NCAM1: variants seen among roughly 807,000 people sequenced by gnomAD.
The protein encoded by NCAM1 is neural cell adhesion molecule 1, also known as antigen recognized by monoclonal antibody 5.1H11.
In NCAM1, 14 loss-of-function variants were observed where a neutral mutation model predicts 109.8. The ratio of observed to expected loss-of-function variants is 0.13; its 90% CI spans 0.08 to 0.20. NCAM1 has a LOEUF of 0.20. NCAM1 is among the 10% of genes least tolerant of loss of function. The pLI is 1.00. For synonymous variants in NCAM1, 418 were observed against 442.9 expected (o/e 0.94, Z 0.70); for missense variants, 774 against 1,109.9 (o/e 0.70, Z 4.30).
rs528779638 is a variant in NCAM1 at position 113,272,372 on chromosome 11, A to G, written c.2456+496A>G. Among the ~76,000 whole-genome samples the G allele has an allele frequency of 2.6e-5, 4 of 152,186 alleles. No individual in the cohort carries two copies. In the South Asian group the frequency reaches 8.3e-4, roughly 32 times the overall value. ...TGCCTGCCTAGCTGTCAAGGATCTT[A>G]TGGGCTTAAAGGGAATGGAGTTTCA... is the stretch of plus-strand genomic sequence containing the variant. On this transcript the variant is annotated intron_variant, in intron 19 of 19. Coordinates refer to ENST00000316851, the MANE Select transcript of NCAM1 (RefSeq NM_181351.5).
chr11:113,250,942 C>T (rs967560925), intron 15 of NCAM1, among the ~76,000 whole-genome samples: 4 of 151,448 alleles, frequency 2.6e-5, no homozygotes, highest in Non-Finnish European at 4.4e-5. Flanking sequence ...GGATTACAGA[C>T]GCATGCCACC....
At chr11:113,015,184 C>T (rs1388859759) in intron 1 of NCAM1, among the ~76,000 whole-genome samples, 24 of 152,190 alleles carry the variant, frequency 1.6e-4, no homozygotes, top group African/African-American at 5.5e-4. Context: ...TAGTTCAGCC[C>T]CCTAAGGAGA....
At chr11:113,271,474 G>C (rs1237088067) in intron 18 of NCAM1, among the ~76,000 whole-genome samples, 3 of 151,784 alleles carry the variant, frequency 2.0e-5, no homozygotes, top group Admixed American at 1.3e-4. Flanking sequence ...ATCTGTGTCA[G>C]GCACTGTGTT....
chr11:113,209,595 C>G (rs782740622), intron 7 of NCAM1, among the ~76,000 whole-genome samples: 10 of 152,188 alleles, frequency 6.6e-5, no homozygotes, highest in Middle Eastern at 3.4e-3. Context: ...ATCCCTTGAC[C>G]CTGGGAAGCA....
chr11:113,237,929 G>T (rs1292643959), intron 14 of NCAM1, among the ~76,000 whole-genome samples: 2 of 18,418 alleles, frequency 1.1e-4, no homozygotes, highest in Admixed American at 6.9e-4. Flanking sequence ...TATAGATATA[G>T]ATATATAGAT....
At chr11:112,990,751 T>G (rs377024438) in intron 1 of NCAM1, among the ~76,000 whole-genome samples, 1 of 151,994 alleles carries the variant, frequency 6.6e-6, no homozygotes, top group African/African-American at 2.4e-5. Flanking sequence ...TGTAGCTGAG[T>G]CCACAGGAGT....
rs147174373 is a variant in NCAM1, at chr11:112,974,350, T to G, written c.52+12686T>G. The stretch of plus-strand genomic sequence containing the variant: ...TGTGTTTCATGTTGTTTCATTTAAC[T>G]CCTCAAATTCTAATGATCCCTGGCT... On this transcript the variant is annotated intron_variant, in intron 1 of 19. Transcript: ENST00000316851. Among the ~76,000 whole-genome samples, 206 of 152,172 alleles carry G rather than the reference T, an allele frequency of 1.4e-3. 2 individuals are homozygous for G. The highest frequency in any genetic ancestry group is 4.8e-3 in the African/African-American group (201 of 41,540).
At chr11:113,180,341 C>G (rs1943294291) in intron 1 of NCAM1, among the ~76,000 whole-genome samples, 1 of 152,210 alleles carries the variant, frequency 6.6e-6, no homozygotes, top group South Asian at 2.1e-4. Flanking sequence ...TATTGAAAGG[C>G]AGGAGAAAGT....
chr11:113,235,234 A>T, intron 14 of NCAM1, 70 bp downstream of exon 14: 2 of 1,611,906 alleles, frequency 1.2e-6, no homozygotes, highest in Non-Finnish European at 1.7e-6. Context: ...GGGAACCCTG[A>T]GCTGGCCCAT....
chr11:113,033,440 G>C lies in NCAM1; in HGVS notation c.52+71776G>C, dbSNP rs558578939. Among the ~76,000 whole-genome samples the C allele has an allele frequency of 5.3e-5, 8 of 152,254 alleles. No individual in the cohort carries two copies. In the South Asian group the frequency reaches 1.7e-3, roughly 32 times the overall value. On this transcript the variant is annotated intron_variant, in intron 1 of 19. Coordinates refer to ENST00000316851, the MANE Select transcript of NCAM1 (RefSeq NM_181351.5). Reference sequence around the variant, plus strand: ...CAAGCGTGGAGACAGAATGAAGACTGATGAAAGATTAAGATGAAAATATAC... The same window carrying C: ...CAAGCGTGGAGACAGAATGAAGACTCATGAAAGATTAAGATGAAAATATAC...
intron 1 of NCAM1, among the ~76,000 whole-genome samples, chr11:113,056,064 C>G (rs1259260968): frequency 1.5e-5 from 2 of 130,488 alleles, no homozygotes; most frequent in African/African-American, 5.7e-5. Context: ...CAATGAAATA[C>G]TATTCATCTA....
chr11:113,260,475 C>T (rs1352261018), intron 17 of NCAM1, 152 bp downstream of exon 17: 6 of 834,718 alleles, frequency 7.2e-6, no homozygotes, highest in South Asian at 1.8e-5. Context: ...TGCCTTGTAC[C>T]TATCTGTGCA....
intron 9 of NCAM1, among the ~76,000 whole-genome samples, chr11:113,225,710 C>T (rs1180089824): frequency 1.3e-5 from 2 of 152,178 alleles, no homozygotes; most frequent in South Asian, 2.1e-4. Flanking sequence ...CAAAGGGAAG[C>T]CCATCAGACT....
intron 9 of NCAM1, among the ~76,000 whole-genome samples, chr11:113,223,844 C>A (rs1555115730): frequency 6.6e-6 from 1 of 152,172 alleles, no homozygotes; most frequent in Non-Finnish European, 1.5e-5. Flanking sequence ...GTCAGCACAG[C>A]CCTTTAGAGA....
intron 1 of NCAM1, among the ~76,000 whole-genome samples, chr11:113,192,207 C>G (rs145415416): frequency 6.6e-6 from 1 of 152,302 alleles, no homozygotes; most frequent in East Asian, 1.9e-4. Context: ...AAAACATCGT[C>G]TGGAGCCTCC....
chr11:113,263,884 A>T, intron 17 of NCAM1: 4 of 985,524 alleles, frequency 4.1e-6, no homozygotes, highest in Non-Finnish European at 4.8e-6. Context: ...CCAGCCCAGG[A>T]GGGTTAATAA....
intron 1 of NCAM1, among the ~76,000 whole-genome samples, chr11:113,021,241 C>T (rs1366092919): frequency 6.6e-6 from 1 of 152,206 alleles, no homozygotes; most frequent in Non-Finnish European, 1.5e-5. Flanking sequence ...ATCATCACTG[C>T]AAAGGATCAT....
At chr11:113,161,356 T>G (rs1323854247) in intron 1 of NCAM1, among the ~76,000 whole-genome samples, 1 of 152,248 alleles carries the variant, frequency 6.6e-6, no homozygotes, top group African/African-American at 2.4e-5. Flanking sequence ...TGTCATACCT[T>G]GGACTTGGAA....
chr11:113,147,544 G>A (rs1490340599), intron 1 of NCAM1, among the ~76,000 whole-genome samples: 1 of 152,240 alleles, frequency 6.6e-6, no homozygotes, highest in African/African-American at 2.4e-5. Flanking sequence ...TCACCTCTCA[G>A]CACAGTAGGT....
Sources: allele counts gnomAD v4.1 joint callset (sites outside exome capture counted in the v4.1 genomes callset), GRCh38; gene constraint gnomAD v4.1.1; transcripts MANE v1.5; gene names NCBI Gene and HGNC (gene_info 2026-07-23, HGNC 2026-07-21).